ELAPOR1: variants seen among roughly 807,000 people sequenced by gnomAD.
ELAPOR1 encodes endosome-lysosome associated apoptosis and autophagy regulator 1.
Under a neutral mutation model 119.7 loss-of-function variants are expected in ELAPOR1, and 77 were observed. That is an observed-to-expected ratio of 0.64 (90% CI 0.54 to 0.78). ELAPOR1 has a LOEUF of 0.78. ELAPOR1 is among the 30% of genes least tolerant of loss of function. The probability of loss-of-function intolerance (pLI) is 0.00; values close to 1 mark genes in which losing one functional copy is unlikely to be tolerated. For missense variants in ELAPOR1, 1,115 were observed against 1,270.4 expected (o/e 0.88, Z 1.86); for synonymous variants, 481 against 487.2 (o/e 0.99, Z 0.17).
In ELAPOR1 at chr1:109,187,773, C is replaced by T. The variant is rs569377890; in HGVS notation, c.1042-404C>T. On this transcript the variant is annotated intron_variant, in intron 8 of 21. Coordinates refer to ENST00000369939, the MANE Select transcript of ELAPOR1 (RefSeq NM_020775.5). Reference sequence around the variant, plus strand: ...ACATCTCAGCCACCCCCTCAGTCCCCGGGGGACATCTGAGCCACCTCCACC... The same window carrying T: ...ACATCTCAGCCACCCCCTCAGTCCCTGGGGGACATCTGAGCCACCTCCACC... 1.7e-4 allele frequency: 136 copies of T among 795,812 alleles called. 1 individual carries two copies. In the South Asian group the frequency reaches 1.9e-3, roughly 11 times the overall value. 49.3% of individuals were successfully genotyped at this position (795,812 alleles called of 1,614,324 possible).
At chr1:109,174,708 G>A (rs1287146516) in intron 7 of ELAPOR1, among the ~76,000 whole-genome samples, 1 of 151,872 alleles carries the variant, frequency 6.6e-6, no homozygotes. Context: ...GGAAGCTAAG[G>A]AAAGGGTTGC....
chr1:109,196,014 G>A (rs969561171), intron 15 of ELAPOR1, among the ~76,000 whole-genome samples: 32 of 152,166 alleles, frequency 2.1e-4, no homozygotes, highest in Non-Finnish European at 4.1e-4. Flanking sequence ...AAATTAGCCC[G>A]GCATGGTGGC....
chr1:109,151,361 AGGCTTCAGTGTGACCAGCT>A (rs1435502511), intron 1 of ELAPOR1, among the ~76,000 whole-genome samples: 1 of 152,118 alleles, frequency 6.6e-6, no homozygotes, highest in Non-Finnish European at 1.5e-5. Context: ...TGCCTTTCCC[AGGCTTCAGTGTGACCAGCT>A]GGAGAACAAT....
At position 109,200,870 on chromosome 1, in the gene ELAPOR1, C is replaced by T. The variant is rs763040053; in HGVS notation, c.2943C>T (p.Leu981=). The T allele has an allele frequency of 2.5e-6, 4 of 1,614,064 alleles. No individual in the cohort carries two copies. Among genetic ancestry groups the T allele is most frequent in the African/African-American group, 1.3e-5 (1 of 74,940 alleles). ...DDLIFTSKKS[L]FGKIKSFTSK... is the part of the protein sequence containing the mutation. ...TCATCTTTACCAGCAAGAAGTCACT[C>T]TTTGGGAAGATCAAATCATTTACCT... The change falls in exon 21 of 22, where the codon CTC becomes CTT. Residue 981 remains leucine, a synonymous_variant. Transcript: ENST00000369939.
At position 109,200,740 on chromosome 1, in the gene ELAPOR1, A is replaced by T. The variant is rs151262533; in HGVS notation, c.2813A>T (p.Glu938Val). 3 of 1,613,436 alleles carry T rather than the reference A, an allele frequency of 1.9e-6. No homozygotes were observed. Among genetic ancestry groups the T allele is most frequent in the Non-Finnish European group, 2.5e-6 (3 of 1,179,792 alleles). Residue 938 changes from glutamate to valine, a missense_variant, in exon 21 of 22, where the codon GAG (glutamate) becomes GTG (valine). Glu to Val is a moderately radical substitution (Grantham distance 121). Coordinates refer to ENST00000369939, the MANE Select transcript of ELAPOR1 (RefSeq NM_020775.5). ...CCCATCCTCCTGTTTTATAGACTAG[A>T]GTACAAGTACTCCAAGCTGGTGATG... ...CYFWKKNQKL[E>V]YKYSKLVMNA... is the part of the protein sequence containing the mutation.
At chr1:109,141,133 T>A (rs1464237292) in intron 1 of ELAPOR1, among the ~76,000 whole-genome samples, 1 of 152,176 alleles carries the variant, frequency 6.6e-6, no homozygotes, top group Non-Finnish European at 1.5e-5. Flanking sequence ...ATTACAGGCA[T>A]GAGCCATCAT....
At chr1:109,195,162 C>T (rs2101125035) in intron 15 of ELAPOR1, among the ~76,000 whole-genome samples, 1 of 151,584 alleles carries the variant, frequency 6.6e-6, no homozygotes, top group Non-Finnish European at 1.5e-5. Flanking sequence ...GTTCTTTTAC[C>T]TGACCTTTAT....
chr1:109,158,710 A>G lies in ELAPOR1; in HGVS notation c.154-3184A>G, dbSNP rs561772543. Among the ~76,000 whole-genome samples the G allele has an allele frequency of 3.3e-5, 5 of 152,232 alleles. No homozygotes were observed. In the East Asian group the frequency reaches 9.6e-4, roughly 29 times the overall value. On this transcript the variant is annotated intron_variant, in intron 1 of 21. Transcript: ENST00000369939. ...CTGGATGTATATACTGAACGTGTTTATGTGCTCCTTTGTAGACCTGCACTT... is the reference window on the plus strand; with the variant it reads ...CTGGATGTATATACTGAACGTGTTTGTGTGCTCCTTTGTAGACCTGCACTT...
Position 109,144,061 on chromosome 1 carries a change from A to ATATATATATTTTTTTTTT in ELAPOR1, c.154-17832_154-17831insATATATATTTTTTTTTTT. ...TATATATATATATATATATTTATAT[A>ATATATATATTTTTTTTTT]TTTTTTTTTTTTTTTGAGATGGAGT... is the stretch of plus-strand genomic sequence containing the variant. On this transcript the variant is annotated intron_variant, in intron 1 of 21. Transcript: ENST00000369939. Among the ~76,000 whole-genome samples, 381 of 88,894 alleles carry ATATATATATTTTTTTTTT rather than the reference A, an allele frequency of 4.3e-3. 11 individuals carry two copies. Among genetic ancestry groups the ATATATATATTTTTTTTTT allele is most frequent in the Non-Finnish European group, 6.5e-3 (309 of 47,332 alleles). 58.3% of individuals were successfully genotyped at this position (88,894 alleles called of 152,430 possible).
intron 1 of ELAPOR1, among the ~76,000 whole-genome samples, chr1:109,135,312 C>T (rs377709749): frequency 1.3e-5 from 2 of 151,998 alleles, no homozygotes; most frequent in African/African-American, 2.4e-5. Flanking sequence ...TGCGGGATCT[C>T]GGCTCACTGC....
At chr1:109,126,288 G>C (rs1381029896) in intron 1 of ELAPOR1, among the ~76,000 whole-genome samples, 2 of 152,100 alleles carry the variant, frequency 1.3e-5, no homozygotes, top group Non-Finnish European at 2.9e-5. Context: ...TGGACAGAAG[G>C]CCAGTGTGGC....
chr1:109,149,468 A>G (rs762805166), intron 1 of ELAPOR1, among the ~76,000 whole-genome samples: 1 of 152,122 alleles, frequency 6.6e-6, no homozygotes, highest in Non-Finnish European at 1.5e-5. Flanking sequence ...AGATTGAATG[A>G]CTGTCCCCGG....
At position 109,119,651 on chromosome 1, in the gene ELAPOR1, T is replaced by A. The variant is rs1648266950; in HGVS notation, c.153+5315T>A. Among the ~76,000 whole-genome samples, 4 of 152,356 alleles carry A rather than the reference T, an allele frequency of 2.6e-5. No homozygotes were observed. The South Asian group carries it at 6.2e-4, about 24-fold the overall frequency. On this transcript the variant is annotated intron_variant, in intron 1 of 21. Transcript: ENST00000369939. The stretch of plus-strand genomic sequence containing the variant: ...TCATCTACGTTATTGTATGTTACTA[T>A]ATTTTGTGCATTTTCGGTGTTGTAA...
intron 7 of ELAPOR1, among the ~76,000 whole-genome samples, chr1:109,179,275 G>A (rs555549899): frequency 1.3e-4 from 20 of 151,822 alleles, no homozygotes; most frequent in Admixed American, 3.3e-4. Flanking sequence ...GGTGGCGGGC[G>A]CCTTTAGTCC....
intron 7 of ELAPOR1, among the ~76,000 whole-genome samples, chr1:109,183,061 T>C (rs567273278): frequency 3.3e-4 from 51 of 152,310 alleles, no homozygotes; most frequent in Admixed American, 5.9e-4. Context: ...CTGGAGGAAG[T>C]AAATTCCCTA....
At chr1:109,168,838 T>A (rs1012556395) in intron 3 of ELAPOR1, among the ~76,000 whole-genome samples, 1 of 152,150 alleles carries the variant, frequency 6.6e-6, no homozygotes, top group Non-Finnish European at 1.5e-5. Flanking sequence ...ATTGATGAGA[T>A]GATACTTGTA....
chr1:109,191,424 G>T lies in ELAPOR1; in HGVS notation c.1498G>T (p.Val500Phe), dbSNP rs200434378. ...TAAAGAGGTGGCCAGAATCACATTT[G>T]TCTTTGAGACCCTCTGTTCTGTGAA... ...ENKEVARITFVFETLCSVNCE... is the reference protein window; with the variant it reads ...ENKEVARITFFFETLCSVNCE... The change falls in exon 12 of 22, where the codon GTC becomes TTC. Residue 500 changes from valine to phenylalanine, a missense_variant. Val to Phe is a conservative substitution (Grantham distance 50, BLOSUM62 -1). Transcript: ENST00000369939. 100 of 1,614,072 alleles carry T rather than the reference G, an allele frequency of 6.2e-5. 1 individual carries two copies. In the Middle Eastern group the frequency reaches 8.2e-4, roughly 13 times the overall value.
At chr1:109,168,562 TCAGAA>T (rs1344962066) in intron 3 of ELAPOR1, among the ~76,000 whole-genome samples, 29 of 152,150 alleles carry the variant, frequency 1.9e-4, no homozygotes, top group African/African-American at 7.0e-4. Flanking sequence ...TGGCCTGAGA[TCAGAA>T]ACTAGGATAA....
intron 1 of ELAPOR1, among the ~76,000 whole-genome samples, chr1:109,118,900 C>CTTT (rs777752743): frequency 4.7e-5 from 6 of 128,196 alleles, no homozygotes; most frequent in East Asian, 4.5e-4. Flanking sequence ...TTTGGTTCTT[C>CTTT]TTTTTTTTTT....
Sources: gnomAD v4.1 joint callset for allele counts (sites outside exome capture counted in the v4.1 genomes callset) on GRCh38, gnomAD v4.1.1 for gene constraint, MANE v1.5 for transcripts, NCBI Gene and HGNC (gene_info 2026-07-23, HGNC 2026-07-21) for gene names.